The following CACHD1 variants were observed in gnomAD, a reference collection of about 807,000 sequenced individuals.
The protein encoded by CACHD1 is VWFA and cache domain-containing protein 1.
A neutral mutation model predicts 138.7 loss-of-function variants in CACHD1; 71 were observed. The ratio of observed to expected loss-of-function variants is 0.51; its 90% CI spans 0.42 to 0.62. The LOEUF (loss-of-function observed/expected upper bound fraction) is 0.62. CACHD1 is among the 20% of genes least tolerant of loss of function. The pLI is 0.00. For missense variants in CACHD1, 1,389 were observed against 1,625.3 expected, an observed-to-expected ratio of 0.85 and a Z score of 2.50; for synonymous variants, 578 against 591.5, an observed-to-expected ratio of 0.98 and a Z score of 0.33.
At position 64,602,754 on chromosome 1, in the gene CACHD1, G is replaced by A. The variant is rs761632257; in HGVS notation, c.411-52G>A. ...ACAATGTAAACCATTATTTTTGTTGGTTGGTTTTTCTGGCCTGAATAAGTA... is the reference window on the plus strand; with the variant it reads ...ACAATGTAAACCATTATTTTTGTTGATTGGTTTTTCTGGCCTGAATAAGTA... On this transcript the variant is annotated intron_variant, in intron 3 of 26. Transcript: ENST00000651257. 1.9e-4 allele frequency: 222 copies of A among 1,163,688 alleles called. 1 individual carries two copies. The highest frequency in any genetic ancestry group is 7.5e-4 in the Admixed American group (44 of 59,040). The allele number at this position is 1,163,688 out of a possible 1,614,324, so 72.1% of individuals were successfully genotyped here.
chr1:64,522,433 G>A (rs370868254), intron 1 of CACHD1, among the ~76,000 whole-genome samples: 10 of 151,820 alleles, frequency 6.6e-5, no homozygotes, highest in East Asian at 1.9e-4. Flanking sequence ...TCAGCCTCCC[G>A]AGTAGCTGGG....
At chr1:64,484,904 C>CT (rs1286460309) in intron 1 of CACHD1, among the ~76,000 whole-genome samples, 1 of 152,208 alleles carries the variant, frequency 6.6e-6, no homozygotes, top group African/African-American at 2.4e-5. Flanking sequence ...TTGCTTCCAC[C>CT]TTTTGGCTAC....
At chr1:64,534,314 G>A (rs1324056888) in intron 1 of CACHD1, among the ~76,000 whole-genome samples, 1 of 152,166 alleles carries the variant, frequency 6.6e-6, no homozygotes, top group Non-Finnish European at 1.5e-5. Context: ...AAAGTGCTGG[G>A]ATTACAGGTG....
At position 64,652,330 on chromosome 1, in the gene CACHD1, T is replaced by C. The variant is rs572234827; in HGVS notation, c.1540+20T>C. ...ACAAAGGTAATCTGCTAAATGTTCA[T>C]CCTAAGAATACTTTTTTAGAAACCT... On this transcript the variant is annotated intron_variant, in intron 10 of 26. Coordinates refer to ENST00000651257, the MANE Select transcript of CACHD1 (RefSeq NM_020925.4). 2.5e-5 allele frequency: 40 copies of C among 1,580,192 alleles called. 1 individual carries two copies. In the South Asian group the frequency reaches 4.6e-4, roughly 18 times the overall value.
chr1:64,643,496 A>T (rs1156551240), intron 8 of CACHD1, among the ~76,000 whole-genome samples: 1 of 152,208 alleles, frequency 6.6e-6, no homozygotes, highest in Non-Finnish European at 1.5e-5. Context: ...ATAAATAAGC[A>T]ATATATGATT....
rs1375857152 is a variant in CACHD1 at position 64,497,575 on chromosome 1, C to T, written c.198+26633C>T. Among the ~76,000 whole-genome samples the T allele has an allele frequency of 2.6e-5, 4 of 152,088 alleles. No individual in the cohort carries two copies. The East Asian group carries it at 7.7e-4, about 29-fold the overall frequency. On this transcript the variant is annotated intron_variant, in intron 1 of 26. Coordinates refer to ENST00000651257, the MANE Select transcript of CACHD1 (RefSeq NM_020925.4). ...GTCATATAGTTCAGGAAAAAAAATACCCCAGAGAGAGCCAGGAATCAGCAG... is the reference window on the plus strand; with the variant it reads ...GTCATATAGTTCAGGAAAAAAAATATCCCAGAGAGAGCCAGGAATCAGCAG...
At chr1:64,659,910 C>T (rs1156645673) in intron 13 of CACHD1, among the ~76,000 whole-genome samples, 1 of 152,178 alleles carries the variant, frequency 6.6e-6, no homozygotes, top group Non-Finnish European at 1.5e-5. Context: ...TTGTGTTCCT[C>T]TCTTAAATTC....
intron 1 of CACHD1, among the ~76,000 whole-genome samples, chr1:64,525,993 T>C (rs1367840201): frequency 6.6e-6 from 1 of 152,240 alleles, no homozygotes; most frequent in East Asian, 1.9e-4. Flanking sequence ...TATTAAGTGC[T>C]ACTATTAGGG....
chr1:64,631,728 T>C (rs1015746765), intron 5 of CACHD1, among the ~76,000 whole-genome samples: 2 of 152,206 alleles, frequency 1.3e-5, no homozygotes, highest in African/African-American at 2.4e-5. Context: ...AAAAGGCTGC[T>C]TTGATGGGAG....
chr1:64,637,185 G>A (rs540531267), intron 7 of CACHD1, among the ~76,000 whole-genome samples: 39 of 152,290 alleles, frequency 2.6e-4, no homozygotes, highest in South Asian at 1.0e-3. Flanking sequence ...GTCTAGTTTT[G>A]ATTATTATAC....
chr1:64,639,951 T>A (rs1012242741), intron 7 of CACHD1, among the ~76,000 whole-genome samples: 1 of 152,202 alleles, frequency 6.6e-6, no homozygotes, highest in Non-Finnish European at 1.5e-5. Flanking sequence ...ACTGGGGAAA[T>A]AGCTGCTTCC....
intron 1 of CACHD1, among the ~76,000 whole-genome samples, chr1:64,536,447 G>A (rs1057457531): frequency 2.0e-5 from 3 of 152,274 alleles, no homozygotes; most frequent in East Asian, 1.9e-4. Context: ...AGTAGTTTGG[G>A]ATAATAAATT....
Position 64,514,685 on chromosome 1 carries a change from T to C in CACHD1, c.199-35909T>C, listed in dbSNP as rs115619377. ...CCAGCAGTAGTTTAGCTTTTTATGA[T>C]GGTGTCAAAGTTCCAAGTCTGACAG... On this transcript the variant is annotated intron_variant, in intron 1 of 26. Transcript: ENST00000651257. Among the ~76,000 whole-genome samples the C allele has an allele frequency of 9.1e-3, 1,383 of 152,328 alleles. 26 individuals carry two copies. The highest frequency in any genetic ancestry group is 0.032 in the African/African-American group (1,320 of 41,562).
chr1:64,559,621 CCT>C, intron 2 of CACHD1, among the ~76,000 whole-genome samples: 2 of 152,120 alleles, frequency 1.3e-5, no homozygotes, highest in East Asian at 3.9e-4. Flanking sequence ...TATGAACAAA[CCT>C]TCACATGTAC....
At chr1:64,688,788 T>C (rs757361772) in intron 26 of CACHD1, among the ~76,000 whole-genome samples, 6 of 146,194 alleles carry the variant, frequency 4.1e-5, no homozygotes, top group Non-Finnish European at 6.0e-5. Flanking sequence ...AGCACCAAGC[T>C]TTCACCATTC....
At chr1:64,524,492 T>C (rs1485708228) in intron 1 of CACHD1, among the ~76,000 whole-genome samples, 1 of 152,214 alleles carries the variant, frequency 6.6e-6, no homozygotes, top group African/African-American at 2.4e-5. Flanking sequence ...TAGTGGCCTG[T>C]TCTGTGCCTC....
intron 1 of CACHD1, among the ~76,000 whole-genome samples, chr1:64,478,915 G>A (rs914505004): frequency 4.6e-5 from 7 of 151,592 alleles, no homozygotes; most frequent in African/African-American, 1.7e-4. Context: ...TTTTTTATGA[G>A]AAGCTGGGTG....
At chr1:64,581,369 A>G (rs1367237583) in intron 2 of CACHD1, among the ~76,000 whole-genome samples, 4 of 152,212 alleles carry the variant, frequency 2.6e-5, no homozygotes, top group Non-Finnish European at 5.9e-5. Flanking sequence ...TCCTTTGGGT[A>G]ACATTTTGTT....
chr1:64,648,202 G>A (rs143432430), intron 9 of CACHD1, among the ~76,000 whole-genome samples, 168 bp downstream of exon 9: 22 of 152,260 alleles, frequency 1.4e-4, no homozygotes, highest in African/African-American at 3.6e-4. Flanking sequence ...TATTACCCTG[G>A]CCATAGTACA....
Sources: gnomAD v4.1 joint callset for allele counts (sites outside exome capture counted in the v4.1 genomes callset) on GRCh38, gnomAD v4.1.1 for gene constraint, MANE v1.5 for transcripts, NCBI Gene and HGNC (gene_info 2026-07-23, HGNC 2026-07-21) for gene names.